GRM7: variants seen among roughly 807,000 people sequenced by gnomAD.
GRM7 encodes glutamate metabotropic receptor 7, also known as metabotropic glutamate receptor 7.
A neutral mutation model predicts 84.5 loss-of-function variants in GRM7; 35 were observed. The observed-to-expected ratio is 0.41, with a 90% CI of 0.32 to 0.55. The LOEUF (loss-of-function observed/expected upper bound fraction) is 0.55. Among genes scored for constraint, GRM7 ranks in the 20% least tolerant of loss-of-function variants. The probability of loss-of-function intolerance (pLI) is 0.19; values close to 1 mark genes in which losing one functional copy is unlikely to be tolerated. For synonymous variants in GRM7, 487 were observed against 455.1 expected, an observed-to-expected ratio of 1.07 and a Z score of -0.89; for missense variants, 1,003 against 1,194.6, an observed-to-expected ratio of 0.84 and a Z score of 2.36.
chr3:7,542,234 A>G (rs760354641), intron 7 of GRM7, among the ~76,000 whole-genome samples: 1 of 152,158 alleles, frequency 6.6e-6, no homozygotes, highest in Non-Finnish European at 1.5e-5. Context: ...TCAACCCATA[A>G]CAAATACCTC....
intron 8 of GRM7, among the ~76,000 whole-genome samples, chr3:7,674,362 T>C (rs1375449365): frequency 6.6e-6 from 1 of 151,994 alleles, no homozygotes; most frequent in Non-Finnish European, 1.5e-5. Flanking sequence ...TAGCTAACCG[T>C]TGTATTTTTA....
intron 7 of GRM7, among the ~76,000 whole-genome samples, chr3:7,537,525 C>T (rs1180385734): frequency 1.3e-5 from 2 of 152,148 alleles, no homozygotes; most frequent in African/African-American, 4.8e-5. Context: ...ATCAATAAGG[C>T]AAATGACTAG....
intron 2 of GRM7, among the ~76,000 whole-genome samples, chr3:7,236,633 T>C (rs751350619): frequency 1.3e-5 from 2 of 152,180 alleles, no homozygotes; most frequent in African/African-American, 4.8e-5. Flanking sequence ...ATCCTGCCCA[T>C]AGCAACAAGC....
chr3:7,425,907 A>G (rs906957246), intron 5 of GRM7, among the ~76,000 whole-genome samples: 3 of 152,174 alleles, frequency 2.0e-5, no homozygotes, highest in Non-Finnish European at 4.4e-5. Flanking sequence ...GGCTGTTAAC[A>G]TGACTATAAA....
At chr3:7,575,869 C>T (rs1037854501) in intron 7 of GRM7, among the ~76,000 whole-genome samples, 1 of 152,096 alleles carries the variant, frequency 6.6e-6, no homozygotes, top group African/African-American at 2.4e-5. Flanking sequence ...AAAAAAAAAG[C>T]TGGGCAGCAT....
intron 1 of GRM7, among the ~76,000 whole-genome samples, chr3:7,101,798 A>T (rs997349420): frequency 6.8e-6 from 1 of 147,706 alleles, no homozygotes; most frequent in Non-Finnish European, 1.5e-5. Flanking sequence ...ATAAAACTTT[A>T]TATATAAATA....
intron 2 of GRM7, among the ~76,000 whole-genome samples, chr3:7,194,236 C>A (rs1163229488): frequency 6.6e-6 from 1 of 152,062 alleles, no homozygotes; most frequent in Non-Finnish European, 1.5e-5. Flanking sequence ...AGAGTCAATC[C>A]TTTCTTTTGC....
intron 8 of GRM7, among the ~76,000 whole-genome samples, chr3:7,623,729 T>C (rs1029868056): frequency 1.3e-5 from 2 of 152,130 alleles, no homozygotes; most frequent in African/African-American, 4.8e-5. Flanking sequence ...GTTATCAACT[T>C]GCCAGCATAA....
chr3:6,936,473 G>A (rs1178965418), intron 1 of GRM7, among the ~76,000 whole-genome samples: 1 of 152,086 alleles, frequency 6.6e-6, no homozygotes, highest in African/African-American at 2.4e-5. Flanking sequence ...CTTAGCCTGA[G>A]GGTAACTTGT....
intron 4 of GRM7, among the ~76,000 whole-genome samples, chr3:7,345,631 C>T (rs920607619): frequency 3.9e-5 from 6 of 152,058 alleles, no homozygotes; most frequent in African/African-American, 1.4e-4. Context: ...AAATTGTTTG[C>T]AGCCTATTTT....
chr3:7,570,508 C>G (rs1694597445), intron 7 of GRM7, among the ~76,000 whole-genome samples: 1 of 152,200 alleles, frequency 6.6e-6, no homozygotes, highest in African/African-American at 2.4e-5. Context: ...CCAAAATGAG[C>G]TCCTTTTACT....
intron 1 of GRM7, among the ~76,000 whole-genome samples, chr3:6,953,430 T>C (rs1692878310): frequency 6.6e-6 from 1 of 152,206 alleles, no homozygotes; most frequent in Non-Finnish European, 1.5e-5. Flanking sequence ...CTCTGCTGAA[T>C]TGCTCACCAT....
At chr3:6,923,160 G>C (rs577379541) in intron 1 of GRM7, among the ~76,000 whole-genome samples, 4 of 151,946 alleles carry the variant, frequency 2.6e-5, no homozygotes, top group African/African-American at 9.7e-5. Flanking sequence ...GACTACTGGT[G>C]TGTGTCATCA....
At chr3:7,283,852 G>A (rs1312513328) in intron 2 of GRM7, among the ~76,000 whole-genome samples, 1 of 152,026 alleles carries the variant, frequency 6.6e-6, no homozygotes, top group Admixed American at 6.6e-5. Flanking sequence ...AAATAAATGG[G>A]GTTTCTGGCC....
intron 2 of GRM7, among the ~76,000 whole-genome samples, chr3:7,182,941 CT>C (rs1177143881): frequency 8.4e-6 from 1 of 119,502 alleles, no homozygotes; most frequent in Non-Finnish European, 1.7e-5. Context: ...TGGACTGGAA[CT>C]TTTAGTAGTT....
intron 1 of GRM7, among the ~76,000 whole-genome samples, chr3:6,953,835 A>G (rs754785606): frequency 1.3e-5 from 2 of 152,208 alleles, no homozygotes; most frequent in Non-Finnish European, 2.9e-5. Flanking sequence ...CTCCAGTGAC[A>G]TAAAAAAATC....
intron 4 of GRM7, among the ~76,000 whole-genome samples, chr3:7,369,343 G>T (rs1371222692): frequency 2.0e-5 from 3 of 152,190 alleles, no homozygotes; most frequent in Non-Finnish European, 4.4e-5. Context: ...CCATATCTAG[G>T]CAGGTCTCAT....
chr3:7,449,280 A>C (rs997922160), intron 5 of GRM7, among the ~76,000 whole-genome samples: 2 of 152,142 alleles, frequency 1.3e-5, no homozygotes, highest in Non-Finnish European at 2.9e-5. Flanking sequence ...TGCAAGAAAC[A>C]TTCAAAACCT....
At chr3:7,293,050 A>AT (rs1418918348) in intron 2 of GRM7, among the ~76,000 whole-genome samples, 1 of 151,342 alleles carries the variant, frequency 6.6e-6, no homozygotes, top group African/African-American at 2.4e-5. Flanking sequence ...AAAAAAAAAA[A>AT]ATTGAGCTTT....
Sources: gnomAD v4.1 joint callset for allele counts (sites outside exome capture counted in the v4.1 genomes callset) on GRCh38, gnomAD v4.1.1 for gene constraint, MANE v1.5 for transcripts, NCBI Gene and HGNC (gene_info 2026-07-23, HGNC 2026-07-21) for gene names.